Variants in HS3ST3A1 observed in about 807,000 individuals in gnomAD.
HS3ST3A1 encodes the protein heparan sulfate-glucosamine 3-sulfotransferase 3A1.
In HS3ST3A1, 19 loss-of-function variants were observed where a neutral mutation model predicts 25.7. The observed-to-expected ratio is 0.74, with a 90% confidence interval of 0.52 to 1.08. The LOEUF is 1.08. Ranked by LOEUF, HS3ST3A1 falls within the 50% of genes least tolerant of loss-of-function variation. The pLI is 0.00. For missense variants in HS3ST3A1, 459 were observed against 594.3 expected, an observed-to-expected ratio of 0.77 and a Z score of 2.37; for synonymous variants, 226 against 278.6, an observed-to-expected ratio of 0.81 and a Z score of 1.88.
chr17:13,526,474 T>A (rs9905295), intron 1 of HS3ST3A1, among the ~76,000 whole-genome samples: 5,280 of 75,876 alleles, frequency 0.07, 464 homozygotes, highest in African/African-American at 0.088. Flanking sequence ...ACTTTAATTT[T>A]TATATATATA....
At chr17:13,580,378 C>T (rs1195614964) in intron 1 of HS3ST3A1, among the ~76,000 whole-genome samples, 2 of 152,048 alleles carry the variant, frequency 1.3e-5, no homozygotes, top group Non-Finnish European at 2.9e-5. Context: ...TGGAAGTGGG[C>T]ATTGGAGGGG....
At chr17:13,541,429 T>C (rs1567618646) in intron 1 of HS3ST3A1, among the ~76,000 whole-genome samples, 1 of 152,216 alleles carries the variant, frequency 6.6e-6, no homozygotes, top group Non-Finnish European at 1.5e-5. Flanking sequence ...AACCTCATCC[T>C]GGGTAATTCA....
At chr17:13,526,510 A>ATATATG (rs1906432450) in intron 1 of HS3ST3A1, among the ~76,000 whole-genome samples, 1 of 126,084 alleles carries the variant, frequency 7.9e-6, no homozygotes, top group African/African-American at 3.0e-5. Flanking sequence ...ATATATATAT[A>ATATATG]TATATTATTG....
At position 13,600,976 on chromosome 17, in the gene HS3ST3A1, G is replaced by T; in HGVS notation, c.154C>A (p.Pro52Thr). The T allele has an allele frequency of 6.4e-7, 1 of 1,559,726 alleles. No individual in the cohort carries two copies. The highest frequency in any genetic ancestry group is 8.7e-7 in the Non-Finnish European group (1 of 1,152,900). The change falls in exon 1 of 2, where the codon CCC (proline) becomes ACC (threonine). Residue 52 changes from proline to threonine, a missense_variant. Physicochemically the swap from Pro to Thr is conservative, Grantham distance 38. This residue lies in a region of HS3ST3A1 where 346 missense variants were observed against 303.9 expected (regional missense o/e 1.14). Transcript: ENST00000284110. ...LAERCQTLSG[P>T]VVGLSGGGEE... ...CCGCCGCCGGACAGCCCCACGACGG[G>T]GCCGGACAGGGTCTGGCAGCGCTCG...
rs1245442887 is a variant in HS3ST3A1 at position 13,526,503 on chromosome 17, TATATATATATA to T, written c.600-29696_600-29686del. On this transcript the variant is annotated intron_variant, in intron 1 of 1. Transcript: ENST00000284110. Reference sequence around the variant, plus strand: ...ATATATATATATATATATATATATATATATATATATATTATTGGGTTGGTCTGTGATTAATT... The same window carrying T: ...ATATATATATATATATATATATATATTTATTGGGTTGGTCTGTGATTAATT... Among the ~76,000 whole-genome samples, 49 of 133,936 alleles carry T rather than the reference TATATATATATA, an allele frequency of 3.7e-4. 3 individuals are homozygous for T. Among genetic ancestry groups the T allele is most frequent in the East Asian group, 2.2e-3 (10 of 4,626 alleles). 87.9% of individuals were successfully genotyped at this position (133,936 alleles called of 152,430 possible).
intron 1 of HS3ST3A1, among the ~76,000 whole-genome samples, chr17:13,501,873 C>G (rs1905487701): frequency 6.6e-6 from 1 of 152,210 alleles, no homozygotes; most frequent in African/African-American, 2.4e-5. Flanking sequence ...GACCATTTGT[C>G]ATTCAGACAG....
intron 1 of HS3ST3A1, among the ~76,000 whole-genome samples, chr17:13,534,546 C>CAAAAAA (rs1567616737): frequency 1.2e-4 from 3 of 24,334 alleles, no homozygotes; most frequent in African/African-American, 5.8e-4. Flanking sequence ...TCTACAAAAT[C>CAAAAAA]CAAAAAAAAA....
chr17:13,532,144 C>T (rs1381695667), intron 1 of HS3ST3A1, among the ~76,000 whole-genome samples: 6 of 152,114 alleles, frequency 3.9e-5, no homozygotes, highest in African/African-American at 7.2e-5. Context: ...GGAGAAGCCA[C>T]GGACTTAGTT....
chr17:13,525,217 T>C (rs1378104474), intron 1 of HS3ST3A1, among the ~76,000 whole-genome samples: 1 of 152,226 alleles, frequency 6.6e-6, no homozygotes, highest in East Asian at 1.9e-4. Flanking sequence ...CCTCCTATTA[T>C]GATGTAATTT....
chr17:13,515,994 A>G (rs1187889211), intron 1 of HS3ST3A1, among the ~76,000 whole-genome samples: 1 of 151,908 alleles, frequency 6.6e-6, no homozygotes, highest in East Asian at 1.9e-4. Flanking sequence ...TTATTTTCTT[A>G]CTGCTGAGTT....
chr17:13,567,086 A>G (rs576088919), intron 1 of HS3ST3A1, among the ~76,000 whole-genome samples: 1 of 152,342 alleles, frequency 6.6e-6, no homozygotes, highest in Non-Finnish European at 1.5e-5. Context: ...CACTTTTGTT[A>G]GGAGTTAATG....
intron 1 of HS3ST3A1, among the ~76,000 whole-genome samples, chr17:13,565,435 G>A (rs1190616749): frequency 6.6e-6 from 1 of 152,188 alleles, no homozygotes; most frequent in East Asian, 1.9e-4. Context: ...CAGAGGCTGA[G>A]GAAGGAGGAT....
At chr17:13,513,227 C>T (rs1337624867) in intron 1 of HS3ST3A1, among the ~76,000 whole-genome samples, 1 of 152,134 alleles carries the variant, frequency 6.6e-6, no homozygotes, top group Non-Finnish European at 1.5e-5. Context: ...AGGCACTTCA[C>T]GCGGACTAGG....
intron 1 of HS3ST3A1, among the ~76,000 whole-genome samples, chr17:13,550,434 G>GC (rs907546127): frequency 2.0e-5 from 3 of 151,888 alleles, no homozygotes; most frequent in Non-Finnish European, 4.4e-5. Context: ...CTCCACACAC[G>GC]CCCCCCATGT....
chr17:13,510,223 T>C (rs1905815851), intron 1 of HS3ST3A1, among the ~76,000 whole-genome samples: 1 of 152,234 alleles, frequency 6.6e-6, no homozygotes, highest in Non-Finnish European at 1.5e-5. Flanking sequence ...ACAGGAGTTT[T>C]ATAAATGATT....
At chr17:13,538,014 G>A (rs1346173782) in intron 1 of HS3ST3A1, among the ~76,000 whole-genome samples, 3 of 152,172 alleles carry the variant, frequency 2.0e-5, no homozygotes, top group East Asian at 1.9e-4. Flanking sequence ...ATTCTTTAGC[G>A]ATTGCTTTAC....
intron 1 of HS3ST3A1, among the ~76,000 whole-genome samples, chr17:13,535,303 A>T (rs1025190663): frequency 6.6e-6 from 1 of 152,198 alleles, no homozygotes; most frequent in Non-Finnish European, 1.5e-5. Flanking sequence ...GGCACATCAC[A>T]GCCTTCTTGT....
At chr17:13,598,133 G>T (rs2142400479) in intron 1 of HS3ST3A1, among the ~76,000 whole-genome samples, 1 of 152,214 alleles carries the variant, frequency 6.6e-6, no homozygotes, top group African/African-American at 2.4e-5. Flanking sequence ...TCATAAGTGT[G>T]TGGTACAAAT....
At chr17:13,578,316 G>T (rs1415280984) in intron 1 of HS3ST3A1, among the ~76,000 whole-genome samples, 1 of 151,216 alleles carries the variant, frequency 6.6e-6, no homozygotes, top group African/African-American at 2.4e-5. Flanking sequence ...GTGAGGCCGA[G>T]GTGGGCGGAT....
Sources: gnomAD v4.1 joint callset for allele counts (sites outside exome capture counted in the v4.1 genomes callset) on GRCh38, gnomAD v4.1.1 for gene constraint, gnomAD v4.1.1 regional missense constraint, MANE v1.5 for transcripts, NCBI Gene and HGNC (gene_info 2026-07-23, HGNC 2026-07-21) for gene names.